The following DLGAP2 variants were observed in gnomAD, a reference collection of about 807,000 sequenced individuals.
The protein encoded by DLGAP2 is disks large-associated protein 2.
DLGAP2 carries 26 observed loss-of-function variants against 100.3 expected under a neutral mutation model. The ratio of observed to expected loss-of-function variants is 0.26; its 90% CI spans 0.19 to 0.36. The LOEUF is 0.36. Ranked by LOEUF, DLGAP2 falls within the 10% of genes least tolerant of loss-of-function variation. The pLI is 1.00. For synonymous variants in DLGAP2, 886 were observed against 630.1 expected, an observed-to-expected ratio of 1.41 and a Z score of -6.08; for missense variants, 1,858 against 1,453.2, an observed-to-expected ratio of 1.28 and a Z score of -4.53.
intron 2 of DLGAP2, among the ~76,000 whole-genome samples, chr8:1,252,406 G>T (rs1348243693): frequency 6.6e-6 from 1 of 152,000 alleles, no homozygotes; most frequent in East Asian, 1.9e-4. Context: ...GTTGTCCTGG[G>T]TGACGGTGTC....
chr8:1,031,555 G>A (rs967943685), intron 2 of DLGAP2, among the ~76,000 whole-genome samples: 2 of 151,938 alleles, frequency 1.3e-5, no homozygotes, highest in African/African-American at 2.4e-5. Flanking sequence ...GGGACTATAG[G>A]GTGCATGTCA....
intron 3 of DLGAP2, among the ~76,000 whole-genome samples, chr8:1,263,501 A>G (rs1343234799): frequency 6.6e-6 from 1 of 152,124 alleles, no homozygotes; most frequent in Non-Finnish European, 1.5e-5. Context: ...TCCCTTCATA[A>G]CTCATAATCA....
At chr8:780,200 G>A (rs1036554280) in intron 1 of DLGAP2, among the ~76,000 whole-genome samples, 1 of 152,032 alleles carries the variant, frequency 6.6e-6, no homozygotes, top group African/African-American at 2.4e-5. Context: ...GTTTCCATGG[G>A]GTTCACTTTT....
intron 2 of DLGAP2, among the ~76,000 whole-genome samples, chr8:1,118,918 G>C (rs1221477880): frequency 1.3e-5 from 2 of 152,188 alleles, no homozygotes; most frequent in Non-Finnish European, 2.9e-5. Context: ...GTGTTATTTT[G>C]TGAGACATAG....
rs189407184 is a variant in DLGAP2, at chr8:1,187,933, A to C, written c.74-70918A>C. ...TGACATTTGCCTCACGGAATCTTGCACGCCCGGGACTTCCGTGACGTTTCC... is the reference window on the plus strand; with the variant it reads ...TGACATTTGCCTCACGGAATCTTGCCCGCCCGGGACTTCCGTGACGTTTCC... On this transcript the variant is annotated intron_variant, in intron 2 of 14. Coordinates refer to ENST00000637795, the MANE Select transcript of DLGAP2 (RefSeq NM_001346810.2). 5.0e-4 allele frequency among the ~76,000 whole-genome samples: 61 copies of C among 122,768 alleles called. 9 individuals carry two copies. Among genetic ancestry groups the C allele is most frequent in the African/African-American group, 2.5e-3 (52 of 21,184 alleles). 80.5% of individuals were successfully genotyped at this position (122,768 alleles called of 152,430 possible).
intron 3 of DLGAP2, among the ~76,000 whole-genome samples, chr8:1,487,697 G>A (rs1294988683): frequency 6.6e-6 from 1 of 152,160 alleles, no homozygotes; most frequent in Non-Finnish European, 1.5e-5. Context: ...CTCCTGCCTG[G>A]CTATGAGCCC....
rs987144477 is a variant in DLGAP2, at chr8:1,259,012, T to C, written c.106+129T>C. On this transcript the variant is annotated intron_variant, in intron 3 of 14. Coordinates refer to ENST00000637795, the MANE Select transcript of DLGAP2 (RefSeq NM_001346810.2). ...ATTGAGGACGCAGTCTGTGTGCTGT[T>C]TGATAGGAACGTGAGTAAAATAATT... The C allele has an allele frequency of 7.8e-6, 6 of 767,174 alleles. No individual in the cohort carries two copies. In the African/African-American group the frequency reaches 1.1e-4, roughly 14 times the overall value. The allele number at this position is 767,174 out of a possible 1,614,324, so 47.5% of individuals were successfully genotyped here. A position where few individuals can be genotyped will look rare whatever the true frequency, so the allele number is the denominator to read the frequency against.
chr8:762,428 G>A (rs117333085), intron 1 of DLGAP2, among the ~76,000 whole-genome samples: 11 of 152,320 alleles, frequency 7.2e-5, no homozygotes, highest in Non-Finnish European at 1.3e-4. Context: ...GTTATTTTGG[G>A]ATGAAATCTT....
chr8:1,194,864 T>G (rs12542802), intron 2 of DLGAP2, among the ~76,000 whole-genome samples: 42,738 of 152,134 alleles, frequency 0.28, 6,780 homozygotes, highest in African/African-American at 0.43. Context: ...AGTCTCAGAC[T>G]CTAGGGCTGT....
intron 2 of DLGAP2, among the ~76,000 whole-genome samples, chr8:1,061,191 T>G (rs1332048220): frequency 6.6e-6 from 1 of 152,190 alleles, no homozygotes; most frequent in Non-Finnish European, 1.5e-5. Context: ...TGGTGAGCCA[T>G]TCTGTGGAAT....
intron 1 of DLGAP2, among the ~76,000 whole-genome samples, chr8:745,511 T>G (rs1406635274): frequency 1.3e-5 from 2 of 152,222 alleles, no homozygotes; most frequent in Non-Finnish European, 1.5e-5. Context: ...TGATATTTTC[T>G]CAAGAGTCGC....
At chr8:772,860 G>A (rs1173299014) in intron 1 of DLGAP2, among the ~76,000 whole-genome samples, 1 of 152,166 alleles carries the variant, frequency 6.6e-6, no homozygotes, top group Admixed American at 6.5e-5. Context: ...AGAGGGTTTT[G>A]TGTGTATGTG....
chr8:1,049,562 T>C (rs925118711), intron 2 of DLGAP2, among the ~76,000 whole-genome samples: 4 of 152,100 alleles, frequency 2.6e-5, no homozygotes, highest in African/African-American at 9.7e-5. Flanking sequence ...AGGTAGGGCG[T>C]ATACAAAAAG....
chr8:1,679,979 CAAAAAA>C (rs760100523), intron 12 of DLGAP2, among the ~76,000 whole-genome samples: 7 of 63,518 alleles, frequency 1.1e-4, no homozygotes, highest in Admixed American at 2.0e-4. Context: ...GACTCTGTCT[CAAAAAA>C]AAAAAAAAAA....
intron 1 of DLGAP2, among the ~76,000 whole-genome samples, chr8:761,742 C>G (rs924137875): frequency 5.3e-5 from 8 of 152,224 alleles, no homozygotes; most frequent in African/African-American, 1.9e-4. Flanking sequence ...CCAGCTCCCT[C>G]TATCCCTGAA....
intron 3 of DLGAP2, among the ~76,000 whole-genome samples, chr8:1,456,178 CTGCGG>C (rs1281271479): frequency 1.3e-5 from 2 of 152,202 alleles, no homozygotes; most frequent in African/African-American, 2.4e-5. Context: ...CCTAAGAAAG[CTGCGG>C]ATTCTGCAGC....
At chr8:1,561,454 G>T (rs1040374957) in intron 5 of DLGAP2, among the ~76,000 whole-genome samples, 3 of 152,170 alleles carry the variant, frequency 2.0e-5, no homozygotes, top group Non-Finnish European at 2.9e-5. Context: ...TCACAGTTCA[G>T]GATCCTTGTC....
intron 2 of DLGAP2, among the ~76,000 whole-genome samples, chr8:1,250,764 A>G (rs1399176258): frequency 6.6e-6 from 1 of 152,194 alleles, no homozygotes; most frequent in Non-Finnish European, 1.5e-5. Flanking sequence ...GAATGCAATT[A>G]TGTAATTGAA....
intron 1 of DLGAP2, among the ~76,000 whole-genome samples, chr8:807,898 TA>T (rs1442876664): frequency 6.6e-6 from 1 of 151,968 alleles, no homozygotes; most frequent in Non-Finnish European, 1.5e-5. Flanking sequence ...CGGAGGAACA[TA>T]AAGGGGAGAA....
Sources: gnomAD v4.1 joint callset for allele counts (sites outside exome capture counted in the v4.1 genomes callset) on GRCh38, gnomAD v4.1.1 for gene constraint, MANE v1.5 for transcripts, NCBI Gene and HGNC (gene_info 2026-07-23, HGNC 2026-07-21) for gene names.